The following OR5D3 variants were observed in gnomAD, a reference collection of about 807,000 sequenced individuals.
OR5D3 encodes olfactory receptor family 5 subfamily D member 3, also known as olfactory receptor 5D3.
the OR5D3 span, chr11:55,726,313 A>G: frequency 6.8e-6 from 3 of 442,516 alleles, no homozygotes; most frequent in Admixed American, 3.6e-5. Context: ...CTTCCTGACC[A>G]TCTACACAAT....
At chr11:55,724,615 T>A in the OR5D3 span, among the ~76,000 whole-genome samples, 1 of 152,076 alleles carries the variant, frequency 6.6e-6, no homozygotes, top group Admixed American at 6.5e-5. Flanking sequence ...TGAGATTGAG[T>A]ATCTAGATCT....
the OR5D3 span, among the ~76,000 whole-genome samples, chr11:55,725,220 C>T: frequency 1.3e-5 from 2 of 152,030 alleles, no homozygotes; most frequent in Admixed American, 6.5e-5. Flanking sequence ...AATCTTTCTG[C>T]TTCCATTCTA....
the OR5D3 span, chr11:55,726,180 C>A: frequency 4.8e-5 from 19 of 398,308 alleles, no homozygotes; most frequent in Middle Eastern, 6.2e-4. Flanking sequence ...TTGGCTTCTA[C>A]TTCTCTGGAT....
chr11:55,726,193 ACTTT>A, the OR5D3 span: 1 of 398,666 alleles, frequency 2.5e-6, no homozygotes, highest in Non-Finnish European at 4.4e-6. Context: ...CTCTGGATCA[ACTTT>A]CTTATTTTTT....
the OR5D3 span, chr11:55,729,236 A>T: frequency 6.6e-6 from 1 of 152,008 alleles, no homozygotes; most frequent in Non-Finnish European, 1.5e-5. Context: ...TTAACTGTGA[A>T]GATAAATACA....
chr11:55,726,823 A>G, the OR5D3 span: 1 of 399,022 alleles, frequency 2.5e-6, no homozygotes, highest in Non-Finnish European at 4.4e-6. Context: ...AGTTTCTGCA[A>G]CATTCAATGA....
the OR5D3 span, among the ~76,000 whole-genome samples, chr11:55,725,069 G>C: frequency 1.1e-4 from 17 of 152,032 alleles, no homozygotes; most frequent in African/African-American, 4.1e-4. Context: ...TCCACATGTT[G>C]ATAGCTGTCC....
chr11:55,727,866 A>G, the OR5D3 span: 2 of 152,064 alleles, frequency 1.3e-5, no homozygotes, highest in South Asian at 2.1e-4. Context: ...AGGAATTCCA[A>G]TTATCTTTTA....
the OR5D3 span, chr11:55,728,501 T>G: frequency 6.6e-6 from 1 of 152,118 alleles, no homozygotes; most frequent in Admixed American, 6.6e-5. Flanking sequence ...TTGAAATAAT[T>G]TGATTGCCTT....
At chr11:55,725,403 TC>T in the OR5D3 span, among the ~76,000 whole-genome samples, 1 of 152,040 alleles carries the variant, frequency 6.6e-6, no homozygotes, top group Non-Finnish European at 1.5e-5. Context: ...AATGCAATTT[TC>T]CTAAAAACTA....
chr11:55,726,521 T>C, the OR5D3 span: 1 of 425,660 alleles, frequency 2.3e-6, no homozygotes, highest in Non-Finnish European at 4.2e-6. Context: ...CAATTCTTCT[T>C]TGCCTGTATA....
chr11:55,728,749 T>G, the OR5D3 span: 1 of 148,732 alleles, frequency 6.7e-6, no homozygotes, highest in African/African-American at 2.5e-5. Context: ...AACTTACTGT[T>G]TAGGAATATA....
chr11:55,729,060 C>T, the OR5D3 span: 10 of 151,776 alleles, frequency 6.6e-5, no homozygotes, highest in African/African-American at 2.4e-4. Flanking sequence ...TGGTAGGTTT[C>T]TTTTAGTACA....
chr11:55,726,938 C>T, the OR5D3 span: 2 of 399,726 alleles, frequency 5.0e-6, no homozygotes, highest in African/African-American at 4.1e-5. Context: ...TCCACGTGTG[C>T]CTCCCACCTG....
At chr11:55,723,851 T>C in the OR5D3 span, 1 of 369,932 alleles carries the variant, frequency 2.7e-6, no homozygotes, top group Non-Finnish European at 4.8e-6. Flanking sequence ...TGTGACCTTA[T>C]CTCTGCTATC....
At chr11:55,729,203 C>CT in the OR5D3 span, 1 of 151,902 alleles carries the variant, frequency 6.6e-6, no homozygotes, top group African/African-American at 2.4e-5. Flanking sequence ...TCAAATTATA[C>CT]TTTCAGTGTG....
At chr11:55,724,460 T>C in the OR5D3 span, among the ~76,000 whole-genome samples, 1 of 152,024 alleles carries the variant, frequency 6.6e-6, no homozygotes, top group Non-Finnish European at 1.5e-5. Context: ...GAAGAAACAA[T>C]GAGTAATCTT....
At chr11:55,724,390 G>A in the OR5D3 span, among the ~76,000 whole-genome samples, 1 of 152,062 alleles carries the variant, frequency 6.6e-6, no homozygotes, top group Admixed American at 6.5e-5. Flanking sequence ...GTAAATGATA[G>A]GATATGGTTT....
chr11:55,726,413 C>T, the OR5D3 span: 1 of 474,240 alleles, frequency 2.1e-6, no homozygotes, highest in Non-Finnish European at 3.9e-6. Flanking sequence ...AGCCACTTGT[C>T]CTTTGTTGAT....
Sources: allele counts gnomAD v4.1 joint callset (sites outside exome capture counted in the v4.1 genomes callset), GRCh38; gene constraint gnomAD v4.1.1; transcripts MANE v1.5; gene names NCBI Gene and HGNC (gene_info 2026-07-23, HGNC 2026-07-21).